ADARB2: variants seen among roughly 807,000 people sequenced by gnomAD.
The protein encoded by ADARB2 is inactive double-stranded RNA-specific editase B2.
Under a neutral mutation model 62.2 loss-of-function variants are expected in ADARB2, and 25 were observed. The observed-to-expected ratio is 0.40, with a 90% CI of 0.29 to 0.56. The LOEUF (loss-of-function observed/expected upper bound fraction) is 0.56. Among genes scored for constraint, ADARB2 ranks in the 20% least tolerant of loss-of-function variants. The pLI is 0.43. For synonymous variants in ADARB2, 572 were observed against 500.8 expected, an observed-to-expected ratio of 1.14 and a Z score of -1.90; for missense variants, 1,071 against 1,077.4, an observed-to-expected ratio of 0.99 and a Z score of 0.08.
chr10:1,280,524 C>T (rs1300981841), intron 3 of ADARB2, among the ~76,000 whole-genome samples: 1 of 151,142 alleles, frequency 6.6e-6, no homozygotes, highest in African/African-American at 2.5e-5. Flanking sequence ...TTGTGTTTGC[C>T]ATTTTTAGGT....
intron 1 of ADARB2, among the ~76,000 whole-genome samples, chr10:1,621,321 C>A (rs1404102689): frequency 6.6e-6 from 1 of 151,970 alleles, no homozygotes; most frequent in Non-Finnish European, 1.5e-5. Flanking sequence ...TTATATATTA[C>A]TAACAATCTG....
intron 3 of ADARB2, among the ~76,000 whole-genome samples, chr10:1,361,832 T>C (rs1832259474): frequency 6.6e-6 from 1 of 152,244 alleles, no homozygotes; most frequent in South Asian, 2.1e-4. Flanking sequence ...CAGCCATAAC[T>C]TACAATTATT....
chr10:1,388,686 C>A (rs542894841), intron 1 of ADARB2, among the ~76,000 whole-genome samples: 1 of 152,130 alleles, frequency 6.6e-6, no homozygotes, highest in African/African-American at 2.4e-5. Flanking sequence ...TCTACACTCA[C>A]ATTTACAAAC....
intron 7 of ADARB2, among the ~76,000 whole-genome samples, chr10:1,203,475 T>C (rs915118832): frequency 2.0e-5 from 3 of 152,230 alleles, no homozygotes; most frequent in African/African-American, 4.8e-5. Context: ...GAAGTAACTC[T>C]CTAAAGTTAC....
At chr10:1,550,836 A>C (rs2813355) in intron 1 of ADARB2, among the ~76,000 whole-genome samples, 144,857 of 151,900 alleles carry the variant, frequency 0.95, 69,259 homozygotes, top group East Asian at 1. Flanking sequence ...GTCTCCGCCT[A>C]ACGGTCCCCG....
intron 1 of ADARB2, among the ~76,000 whole-genome samples, chr10:1,636,043 T>TAA (rs1350996505): frequency 6.6e-6 from 1 of 152,168 alleles, no homozygotes; most frequent in Non-Finnish European, 1.5e-5. Context: ...CAGGTGTGGC[T>TAA]CTGAGGCACG....
intron 1 of ADARB2, among the ~76,000 whole-genome samples, chr10:1,627,170 A>AT (rs1050622474): frequency 6.6e-6 from 1 of 152,064 alleles, no homozygotes; most frequent in Non-Finnish European, 1.5e-5. Context: ...AGACTTATAC[A>AT]TTTTAATAAC....
intron 1 of ADARB2, among the ~76,000 whole-genome samples, chr10:1,692,571 A>T (rs1453648261): frequency 6.6e-6 from 1 of 152,188 alleles, no homozygotes; most frequent in African/African-American, 2.4e-5. Flanking sequence ...TTCCTCATTC[A>T]GTAGTGACAG....
Position 1,692,127 on chromosome 10 carries a change from A to G in ADARB2, c.100+44924T>C, listed in dbSNP as rs113097374. On this transcript the variant is annotated intron_variant, in intron 1 of 9. Transcript: ENST00000381312. Reference sequence around the variant, plus strand: ...GTTCAGTAGTAAAACTGCAGTGAACATTTCTGTCATCAGGAGCAACAGCAA... The same window carrying G: ...GTTCAGTAGTAAAACTGCAGTGAACGTTTCTGTCATCAGGAGCAACAGCAA... Among the ~76,000 whole-genome samples the G allele has an allele frequency of 3.1e-3, 479 of 152,314 alleles. 2 individuals carry two copies. The highest frequency in any genetic ancestry group is 0.011 in the African/African-American group (460 of 41,570).
chr10:1,722,843 C>G (rs887335301), intron 1 of ADARB2, among the ~76,000 whole-genome samples: 6 of 152,232 alleles, frequency 3.9e-5, no homozygotes, highest in African/African-American at 1.2e-4. Context: ...TTCCTTTAAC[C>G]CTCAAATCAA....
At chr10:1,519,122 C>A (rs1445253899) in intron 1 of ADARB2, among the ~76,000 whole-genome samples, 1 of 151,870 alleles carries the variant, frequency 6.6e-6, no homozygotes, top group Non-Finnish European at 1.5e-5. Context: ...CGCATTCATT[C>A]CGTGTAATGT....
At chr10:1,220,345 GATT>G (rs1275772872) in intron 6 of ADARB2, among the ~76,000 whole-genome samples, 2 of 124,464 alleles carry the variant, frequency 1.6e-5, no homozygotes, top group South Asian at 2.6e-4. Context: ...GGATGATGGT[GATT>G]GTGGTGATGA....
chr10:1,347,490 G>A (rs1043408491), intron 3 of ADARB2, among the ~76,000 whole-genome samples: 1 of 152,234 alleles, frequency 6.6e-6, no homozygotes, highest in Non-Finnish European at 1.5e-5. Context: ...GTAAGCAGAT[G>A]CAGGAGACTG....
intron 1 of ADARB2, among the ~76,000 whole-genome samples, chr10:1,580,479 G>C (rs1196747415): frequency 6.7e-6 from 1 of 149,986 alleles, no homozygotes; most frequent in Non-Finnish European, 1.5e-5. Flanking sequence ...CTTTCTTTCT[G>C]AGATGAGAAA....
chr10:1,608,788 G>GAAAGAAAGAAAGAAAGAAAGAA (rs1833528985), intron 1 of ADARB2, among the ~76,000 whole-genome samples: 1 of 147,940 alleles, frequency 6.8e-6, no homozygotes, highest in Admixed American at 6.7e-5. Flanking sequence ...AAGAAAGAAA[G>GAAAGAAAGAAAGAAAGAAAGAA]AAAGAAAGAA....
At chr10:1,495,764 ATTG>A (rs1279328904) in intron 1 of ADARB2, among the ~76,000 whole-genome samples, 1 of 146,982 alleles carries the variant, frequency 6.8e-6, no homozygotes, top group African/African-American at 2.4e-5. Flanking sequence ...CATCATTATC[ATTG>A]TTATCATCAT....
At chr10:1,315,230 C>T (rs547304747) in intron 3 of ADARB2, among the ~76,000 whole-genome samples, 4 of 152,204 alleles carry the variant, frequency 2.6e-5, no homozygotes, top group South Asian at 4.1e-4. Context: ...CCGGAAGAGC[C>T]GAGCCAGGCA....
chr10:1,260,066 T>C (rs994002218), intron 4 of ADARB2, among the ~76,000 whole-genome samples: 5 of 152,014 alleles, frequency 3.3e-5, no homozygotes, highest in African/African-American at 1.2e-4. Context: ...ATTATCTCAA[T>C]AGATGCAGAA....
At position 1,191,802 on chromosome 10, in the gene ADARB2, G is replaced by A. The variant is rs1836848776; in HGVS notation, c.1865-6763C>T. ...ACAGAGATCAGCCTGATGAGATTGT[G>A]TGACCTTTTTGCTAAACACACACAA... is the stretch of plus-strand genomic sequence containing the variant. On this transcript the variant is annotated intron_variant, in intron 8 of 9. Transcript: ENST00000381312. 2.0e-5 allele frequency among the ~76,000 whole-genome samples: 3 copies of A among 152,322 alleles called. No homozygotes were observed. The South Asian group carries it at 6.2e-4, about 32-fold the overall frequency.
Sources: allele counts gnomAD v4.1 joint callset (sites outside exome capture counted in the v4.1 genomes callset), GRCh38; gene constraint gnomAD v4.1.1; transcripts MANE v1.5; gene names NCBI Gene and HGNC (gene_info 2026-07-23, HGNC 2026-07-21).